Variants in RASGRF1 observed in about 807,000 individuals in gnomAD.
RASGRF1 encodes Ras protein specific guanine nucleotide releasing factor 1, also known as ras-specific guanine nucleotide-releasing factor 1.
RASGRF1 carries 40 observed loss-of-function variants against 138.7 expected under a neutral mutation model. The ratio of observed to expected loss-of-function variants is 0.29; its 90% CI spans 0.22 to 0.38. The LOEUF is 0.38. Ranked by LOEUF, RASGRF1 falls within the 10% of genes least tolerant of loss-of-function variation. RASGRF1 has a pLI of 1.00. For missense variants in RASGRF1, 1,108 were observed against 1,650.4 expected (o/e 0.67, Z 5.69); for synonymous variants, 614 against 663.2 (o/e 0.93, Z 1.14).
chr15:78,985,218 C>A lies in RASGRF1; in HGVS notation c.3217-14G>T, dbSNP rs1314841788. 1 of 1,567,808 alleles carries A rather than the reference C, an allele frequency of 6.4e-7. No individual in the cohort carries two copies. Among genetic ancestry groups the A allele is most frequent in the Non-Finnish European group, 8.8e-7 (1 of 1,139,602 alleles). ...CAAGTTACTGATCTTTAAGCCGATG[C>A]AATAAGACAGGGAAAAAGAGGAGTA... is the stretch of plus-strand genomic sequence containing the variant. On this transcript the variant is annotated splice_polypyrimidine_tract_variant and intron_variant, in intron 22 of 26. Transcript: ENST00000558480.
At chr15:78,998,045 G>A in intron 19 of RASGRF1, 51 bp downstream of exon 19, 4 of 1,505,414 alleles carry the variant, frequency 2.7e-6, no homozygotes, top group Non-Finnish European at 3.7e-6. Flanking sequence ...AGAAGGCAGG[G>A]CTCCTGTCCC....
chr15:79,033,580 T>TC (rs2057173259), intron 6 of RASGRF1, among the ~76,000 whole-genome samples: 2 of 82,478 alleles, frequency 2.4e-5, no homozygotes, highest in Admixed American at 1.7e-4. Flanking sequence ...TTTTTTCTTT[T>TC]CTTTTTTTTT....
intron 11 of RASGRF1, among the ~76,000 whole-genome samples, chr15:79,019,146 G>A (rs1271478951): frequency 6.6e-6 from 1 of 152,138 alleles, no homozygotes; most frequent in Non-Finnish European, 1.5e-5. Flanking sequence ...TGCTGGGCCT[G>A]TGATGCTGAG....
intron 23 of RASGRF1, chr15:78,984,675 C>T (rs2056109125): frequency 5.9e-6 from 2 of 339,968 alleles, no homozygotes; most frequent in Non-Finnish European, 1.1e-5. Context: ...TGACCACTGT[C>T]TCAGCTGCCC....
chr15:79,005,278 G>A lies in RASGRF1; in HGVS notation c.2075+908C>T, dbSNP rs558677795. 4.1e-6 allele frequency: 4 copies of A among 985,830 alleles called. No individual in the cohort carries two copies. The East Asian group carries it at 3.4e-4, about 84-fold the overall frequency. 61.1% of individuals were successfully genotyped at this position (985,830 alleles called of 1,614,324 possible). A position where few individuals can be genotyped will look rare whatever the true frequency, so the allele number is the denominator to read the frequency against. Reference sequence around the variant, plus strand: ...CTCTGGCAGCAGAGGTGTGGATTGGGGGAGGAATGGTGAGGTTCCTGGGGA... The same window carrying A: ...CTCTGGCAGCAGAGGTGTGGATTGGAGGAGGAATGGTGAGGTTCCTGGGGA... On this transcript the variant is annotated intron_variant, in intron 14 of 26. Coordinates refer to ENST00000558480, the MANE Select transcript of RASGRF1 (RefSeq NM_001145648.3).
intron 1 of RASGRF1, among the ~76,000 whole-genome samples, chr15:79,066,086 GC>G (rs1478012185): frequency 6.6e-6 from 1 of 152,034 alleles, no homozygotes; most frequent in East Asian, 1.9e-4. Context: ...TGGGCACCCT[GC>G]CCCCCTAGAG....
At chr15:79,039,544 G>A (rs1432359453) in intron 5 of RASGRF1, among the ~76,000 whole-genome samples, 2 of 151,988 alleles carry the variant, frequency 1.3e-5, no homozygotes, top group African/African-American at 2.4e-5. Flanking sequence ...CATTTTGCTA[G>A]GCTGCACTTT....
intron 1 of RASGRF1, among the ~76,000 whole-genome samples, chr15:79,074,582 C>T (rs2057806929): frequency 6.6e-6 from 1 of 152,166 alleles, no homozygotes; most frequent in Admixed American, 6.5e-5. Flanking sequence ...TAGAAAGACC[C>T]TTATCGTGAG....
chr15:78,999,572 T>C (rs554082716), intron 17 of RASGRF1, among the ~76,000 whole-genome samples, 171 bp downstream of exon 17: 1 of 152,152 alleles, frequency 6.6e-6, no homozygotes, highest in Admixed American at 6.5e-5. Flanking sequence ...CTGTAGTCAA[T>C]TGAAGCAGGG....
intron 20 of RASGRF1, among the ~76,000 whole-genome samples, chr15:78,995,055 G>T (rs1364386274): frequency 6.6e-6 from 1 of 151,462 alleles, no homozygotes; most frequent in Non-Finnish European, 1.5e-5. Context: ...AACCTCCCAA[G>T]TAGCTGGGAT....
intron 24 of RASGRF1, chr15:78,978,526 G>A (rs1046942820): frequency 9.4e-5 from 93 of 985,696 alleles, no homozygotes; most frequent in Non-Finnish European, 1.1e-4. Flanking sequence ...TGCCTAGCCC[G>A]AATTGGATAT....
Position 78,980,760 on chromosome 15 carries a change from G to A in RASGRF1, c.3415-61C>T, listed in dbSNP as rs1384388820. 13 of 1,305,702 alleles carry A rather than the reference G, an allele frequency of 1.0e-5. No homozygotes were observed. The East Asian group carries it at 3.1e-4, about 31-fold the overall frequency. The allele number at this position is 1,305,702 out of a possible 1,614,324, so 80.9% of individuals were successfully genotyped here. A position where few individuals can be genotyped will look rare whatever the true frequency, so the allele number is the denominator to read the frequency against. Reference sequence around the variant, plus strand: ...ACACGCTGTGATCCCCGAGGCCCGGGGATCAGGCCCACACTCCAACATGCT... The same window carrying A: ...ACACGCTGTGATCCCCGAGGCCCGGAGATCAGGCCCACACTCCAACATGCT... On this transcript the variant is annotated intron_variant, in intron 23 of 26. Coordinates refer to ENST00000558480, the MANE Select transcript of RASGRF1 (RefSeq NM_001145648.3).
intron 14 of RASGRF1, chr15:79,004,858 T>TG: frequency 1.0e-6 from 1 of 984,862 alleles, no homozygotes; most frequent in Non-Finnish European, 1.2e-6. Flanking sequence ...CCCTCACTGT[T>TG]GCCCCAGGAC....
intron 1 of RASGRF1, among the ~76,000 whole-genome samples, chr15:79,089,953 C>T (rs1459670882): frequency 6.6e-6 from 1 of 152,214 alleles, no homozygotes; most frequent in Non-Finnish European, 1.5e-5. Context: ...CAGGTGTCGG[C>T]CCCTCTGTAC....
intron 5 of RASGRF1, among the ~76,000 whole-genome samples, chr15:79,038,223 T>C (rs1175224992): frequency 6.6e-6 from 1 of 152,188 alleles, no homozygotes; most frequent in Non-Finnish European, 1.5e-5. Context: ...AGTACTGCCA[T>C]GGCAAGAGTT....
chr15:79,072,267 C>CTTTTTTTTTTGTTTTTTTTTT (rs2057768133), intron 1 of RASGRF1, among the ~76,000 whole-genome samples: 1 of 61,576 alleles, frequency 1.6e-5, no homozygotes, highest in Non-Finnish European at 3.0e-5. Flanking sequence ...GATAAACAAT[C>CTTTTTTTTTTGTTTTTTTTTT]TTTTTTTTTT....
Sources: gnomAD v4.1 joint callset for allele counts (sites outside exome capture counted in the v4.1 genomes callset) on GRCh38, gnomAD v4.1.1 for gene constraint, MANE v1.5 for transcripts, NCBI Gene and HGNC (gene_info 2026-07-23, HGNC 2026-07-21) for gene names.